The following ACTR3C variants were observed in gnomAD, a reference collection of about 807,000 sequenced individuals.
ACTR3C encodes actin-related protein 3C.
Under a neutral mutation model 26.3 loss-of-function variants are expected in ACTR3C, and 18 were observed. The ratio of observed to expected loss-of-function variants is 0.68; its 90% confidence interval spans 0.47 to 1.01. The LOEUF (loss-of-function observed/expected upper bound fraction) is 1.01, where lower values mean the gene tolerates loss of function less well. ACTR3C is among the 50% of genes least tolerant of loss of function. ACTR3C has a pLI of 0.00. For synonymous variants in ACTR3C, 55 were observed against 94.5 expected, an observed-to-expected ratio of 0.58 and a Z score of 2.42; for missense variants, 184 against 250.7, an observed-to-expected ratio of 0.73 and a Z score of 1.80.
At chr7:149,915,133 C>T in the ACTR3C span, among the ~76,000 whole-genome samples, 6 of 152,122 alleles carry the variant, frequency 3.9e-5, no homozygotes, top group Non-Finnish European at 8.8e-5. Context: ...ACCTCGGCCT[C>T]CCAAAGTGCT....
At chr7:150,060,551 G>A in the ACTR3C span, among the ~76,000 whole-genome samples, 4 of 152,128 alleles carry the variant, frequency 2.6e-5, no homozygotes, top group East Asian at 5.8e-4. Flanking sequence ...ACCCTCGGAT[G>A]AATTCAGCCA....
chr7:150,222,296 C>T, the ACTR3C span, among the ~76,000 whole-genome samples: 1 of 152,216 alleles, frequency 6.6e-6, no homozygotes, highest in African/African-American at 2.4e-5. Flanking sequence ...GCTTTGCCGC[C>T]TCCTAGTGCA....
At chr7:150,011,545 A>G in the ACTR3C span, among the ~76,000 whole-genome samples, 2 of 152,214 alleles carry the variant, frequency 1.3e-5, no homozygotes. Context: ...AGATCGCGCC[A>G]TTGCATTCCA....
At chr7:150,035,709 C>T in the ACTR3C span, among the ~76,000 whole-genome samples, 25 of 138,452 alleles carry the variant, frequency 1.8e-4, 5 homozygotes, top group Non-Finnish European at 3.4e-4. Context: ...GGGTCCTAAG[C>T]CAGGGGGTGA....
chr7:150,070,620 C>T, the ACTR3C span, among the ~76,000 whole-genome samples: 3 of 151,140 alleles, frequency 2.0e-5, no homozygotes, highest in African/African-American at 7.4e-5. Context: ...CTGGCTAATT[C>T]TTTTATTTTT....
chr7:150,166,501 C>T, the ACTR3C span, among the ~76,000 whole-genome samples: 1 of 150,752 alleles, frequency 6.6e-6, no homozygotes, highest in African/African-American at 2.5e-5. Flanking sequence ...GAGTTCAAGA[C>T]CAGCCTGGCC....
chr7:149,986,975 C>CCTTGAAGCCTCAGA, the ACTR3C span, among the ~76,000 whole-genome samples: 1 of 142,144 alleles, frequency 7.0e-6, no homozygotes, highest in Non-Finnish European at 1.5e-5. Context: ...GTATCTGAGG[C>CCTTGAAGCCTCAGA]TACTGCCTTG....
At chr7:150,044,520 CCA>C in the ACTR3C span, among the ~76,000 whole-genome samples, 1 of 152,148 alleles carries the variant, frequency 6.6e-6, no homozygotes, top group Non-Finnish European at 1.5e-5. Context: ...TCCTGTGGAG[CCA>C]CACAGTTGGG....
the ACTR3C span, among the ~76,000 whole-genome samples, chr7:150,221,998 C>CAAAAAAAAAAA: frequency 1.4e-4 from 11 of 79,798 alleles, no homozygotes; most frequent in African/African-American, 6.2e-4. Flanking sequence ...ACTCCGTCTC[C>CAAAAAAAAAAA]AAAAAAAAAA....
the ACTR3C span, among the ~76,000 whole-genome samples, chr7:149,998,599 C>T: frequency 1.3e-5 from 2 of 149,368 alleles, no homozygotes; most frequent in South Asian, 2.2e-4. Context: ...CATCAGATCT[C>T]GTGAGAACTC....
chr7:150,023,263 A>AGATC, the ACTR3C span, among the ~76,000 whole-genome samples: 2 of 50,938 alleles, frequency 3.9e-5, no homozygotes, highest in African/African-American at 5.8e-5. Flanking sequence ...AGATCTCTAT[A>AGATC]TATCTCTATA....
At chr7:150,260,739 C>G (rs1386245392) in intron 6 of ACTR3C, among the ~76,000 whole-genome samples, 1 of 152,140 alleles carries the variant, frequency 6.6e-6, no homozygotes, top group African/African-American at 2.4e-5. Flanking sequence ...CATCATTACG[C>G]TGACATTGAT....
At chr7:150,181,112 A>G in the ACTR3C span, among the ~76,000 whole-genome samples, 6 of 151,034 alleles carry the variant, frequency 4.0e-5, no homozygotes, top group Non-Finnish European at 7.3e-5. Flanking sequence ...AACCATCTGA[A>G]AACCTATTAG....
chr7:150,289,998 C>T (rs1203908786), intron 3 of ACTR3C, among the ~76,000 whole-genome samples: 8 of 152,156 alleles, frequency 5.3e-5, no homozygotes, highest in East Asian at 3.9e-4. Context: ...AATCTACTTA[C>T]GTTTAAAAGT....
At chr7:150,233,118 A>G in the ACTR3C span, among the ~76,000 whole-genome samples, 1 of 151,926 alleles carries the variant, frequency 6.6e-6, no homozygotes, top group Admixed American at 6.6e-5. Flanking sequence ...TTCCGTGAGG[A>G]ACTTCTTTTA....
intron 6 of ACTR3C, among the ~76,000 whole-genome samples, chr7:150,254,542 T>G (rs1158779742): frequency 6.6e-6 from 1 of 152,188 alleles, no homozygotes; most frequent in African/African-American, 2.4e-5. Flanking sequence ...AGAGCGAAAC[T>G]TACCAGATCA....
At chr7:150,147,608 G>T in the ACTR3C span, among the ~76,000 whole-genome samples, 1,326 of 151,852 alleles carry the variant, frequency 8.7e-3, 18 homozygotes, top group African/African-American at 0.031. Flanking sequence ...ATTAATAAAC[G>T]ACATTTATTT....
the ACTR3C span, among the ~76,000 whole-genome samples, chr7:150,147,628 T>G: frequency 6.6e-6 from 1 of 152,198 alleles, no homozygotes; most frequent in Non-Finnish European, 1.5e-5. Context: ...TCTGTGACTT[T>G]TAAGATGCAT....
At chr7:149,930,768 C>G in the ACTR3C span, among the ~76,000 whole-genome samples, 1 of 152,202 alleles carries the variant, frequency 6.6e-6, no homozygotes, top group Non-Finnish European at 1.5e-5. Flanking sequence ...GCACATGAGC[C>G]CCACACATAC....
Sources: gnomAD v4.1 joint callset for allele counts (sites outside exome capture counted in the v4.1 genomes callset) on GRCh38, gnomAD v4.1.1 for gene constraint, MANE v1.5 for transcripts, NCBI Gene and HGNC (gene_info 2026-07-23, HGNC 2026-07-21) for gene names.